The following SCAF4 variants were observed in gnomAD, a reference collection of about 807,000 sequenced individuals.
SCAF4 encodes SR-related CTD associated factor 4, also known as SR-related and CTD-associated factor 4.
In SCAF4, 25 loss-of-function variants were observed where a neutral mutation model predicts 129.8. That is an observed-to-expected ratio of 0.19 (90% CI 0.14 to 0.27). SCAF4 has a LOEUF of 0.27. SCAF4 is among the 10% of genes least tolerant of loss of function. SCAF4 has a pLI of 1.00. For synonymous variants in SCAF4, 551 were observed against 497.7 expected (o/e 1.11, Z -1.43); for missense variants, 1,246 against 1,457.1 (o/e 0.86, Z 2.36).
At chr21:31,719,299 A>T (rs183259870) in intron 1 of SCAF4, among the ~76,000 whole-genome samples, 1 of 150,970 alleles carries the variant, frequency 6.6e-6, no homozygotes, top group Admixed American at 6.6e-5. Context: ...CCAAAAAAAA[A>T]CAAAAAACAA....
At chr21:31,715,140 C>A (rs1233567509) in intron 1 of SCAF4, among the ~76,000 whole-genome samples, 1 of 152,170 alleles carries the variant, frequency 6.6e-6, no homozygotes, top group Non-Finnish European at 1.5e-5. Context: ...CTTGTAAAGG[C>A]TCTAGGGAAG....
intron 19 of SCAF4, among the ~76,000 whole-genome samples, chr21:31,678,032 A>C (rs1481435373): frequency 6.6e-6 from 1 of 151,808 alleles, no homozygotes; most frequent in African/African-American, 2.4e-5. Context: ...TTGTCCTCAG[A>C]CCTCTCACCA....
At chr21:31,723,625 T>C (rs1400388423) in intron 1 of SCAF4, among the ~76,000 whole-genome samples, 7 of 142,070 alleles carry the variant, frequency 4.9e-5, no homozygotes, top group Admixed American at 4.4e-4. Context: ...TGTGTGTGTG[T>C]GTGTGCGCGC....
rs149687210 is a variant in SCAF4 at position 31,672,281 on chromosome 21, G to A, written c.2562C>T (p.Pro854=). Residue 854 remains proline (P), a synonymous_variant, in exon 20 of 20, where the codon CCC becomes CCT. Coordinates refer to ENST00000286835, the MANE Select transcript of SCAF4 (RefSeq NM_020706.2). ...APSTGLLGAR[P]GLIPLQRPPG... is the part of the protein sequence containing the mutation. ...GAGGGCGCTGGAGTGGGATGAGACCGGGCCGGGCGCCAAGAAGACCAGTAG... is the reference window on the plus strand; with the variant it reads ...GAGGGCGCTGGAGTGGGATGAGACCAGGCCGGGCGCCAAGAAGACCAGTAG... The A allele has an allele frequency of 3.4e-5, 55 of 1,613,850 alleles. No individual in the cohort carries two copies. Among genetic ancestry groups the A allele is most frequent in the Middle Eastern group, 1.7e-4 (1 of 6,000 alleles).
rs1014243023 is a variant in SCAF4 at position 31,671,900 on chromosome 21, C to T, written c.2943G>A (p.Gln981=). The change falls in exon 20 of 20, where the codon CAG becomes CAA. Residue 981 remains glutamine, a synonymous_variant. Transcript: ENST00000286835. ...GCTGCCTGTTATCATTTCTAAACTG[C>T]TGTGGCTGCTGCTGTGTTGGTGGAG... ...QQPPPTQQQP[Q]QFRNDNRQQF... is the part of the protein sequence containing the mutation. 1 of 1,613,578 alleles carries T rather than the reference C, an allele frequency of 6.2e-7. No individual in the cohort carries two copies.
chr21:31,709,796 T>C (rs1326346437), intron 1 of SCAF4, among the ~76,000 whole-genome samples: 1 of 152,010 alleles, frequency 6.6e-6, no homozygotes. Context: ...TATGTTGTAT[T>C]TTTTACTTAA....
chr21:31,723,609 G>GTTTTGTGTGTGTGTGTGTGTGTGTGTGT (rs112184778), intron 1 of SCAF4, among the ~76,000 whole-genome samples: 10 of 146,126 alleles, frequency 6.8e-5, no homozygotes, highest in African/African-American at 2.5e-4. Flanking sequence ...TGATTTATAT[G>GTTTTGTGTGTGTGTGTGTGTGTGTGTGT]ATGTGTGTGT....
Position 31,671,327 on chromosome 21 carries a change from A to T in SCAF4, c.*72T>A. 1 of 1,531,978 alleles carries T rather than the reference A, an allele frequency of 6.5e-7. No individual in the cohort carries two copies. The highest frequency in any genetic ancestry group is 8.8e-7 in the Non-Finnish European group (1 of 1,137,650). 94.9% of individuals were successfully genotyped at this position (1,531,978 alleles called of 1,614,324 possible). On this transcript the variant is annotated 3_prime_UTR_variant, in exon 20 of 20. Transcript: ENST00000286835. ...CTGCAGTACAGCGGGAGCGGATATA[A>T]TACAGCATCTGTACACCTCAAGCTC... is the stretch of plus-strand genomic sequence containing the variant.
intron 1 of SCAF4, among the ~76,000 whole-genome samples, chr21:31,713,892 C>A (rs1215332458): frequency 6.6e-6 from 1 of 151,952 alleles, no homozygotes; most frequent in African/African-American, 2.4e-5. Flanking sequence ...GACCAACATC[C>A]AATTTCAGTC....
intron 8 of SCAF4, 116 bp downstream of exon 8, chr21:31,696,453 C>T: frequency 8.8e-7 from 1 of 1,136,280 alleles, no homozygotes; most frequent in Non-Finnish European, 1.2e-6. Context: ...ACTAATACCA[C>T]AAATTTTACA....
chr21:31,695,495 A>C lies in SCAF4; in HGVS notation c.1069-515T>G, dbSNP rs149474070. Among the ~76,000 whole-genome samples the C allele has an allele frequency of 4.3e-4, 66 of 152,370 alleles. No individual in the cohort carries two copies. The East Asian group carries it at 0.01, about 24-fold the overall frequency. On this transcript the variant is annotated intron_variant, in intron 9 of 19. Coordinates refer to ENST00000286835, the MANE Select transcript of SCAF4 (RefSeq NM_020706.2). ...AAACTACAATCTAACATATTTCTGC[A>C]TGTCAGTTTAAACACAAATAAAACT...
intron 19 of SCAF4, among the ~76,000 whole-genome samples, chr21:31,676,371 C>G (rs547894364): frequency 6.6e-6 from 1 of 152,308 alleles, no homozygotes; most frequent in East Asian, 1.9e-4. Flanking sequence ...TCCCACCAGG[C>G]TCATGCCTCA....
rs1487921952 is a variant in SCAF4, at chr21:31,705,565, A to G, written c.115-98T>C. On this transcript the variant is annotated intron_variant, in intron 2 of 19. Transcript: ENST00000286835. ...AAACTCTGAAATCTATACAATCTAA[A>G]TATTATCAATACTGAATGAACCATG... is the stretch of plus-strand genomic sequence containing the variant. 3.7e-5 allele frequency: 17 copies of G among 456,726 alleles called. No individual in the cohort carries two copies. The East Asian group carries it at 5.9e-4, about 16-fold the overall frequency. 28.3% of individuals were successfully genotyped at this position (456,726 alleles called of 1,614,324 possible).
rs376616495 is a variant in SCAF4, at chr21:31,712,103, T to C, written c.31-5746A>G. Among the ~76,000 whole-genome samples, 6 of 152,298 alleles carry C rather than the reference T, an allele frequency of 3.9e-5. No homozygotes were observed. The East Asian group carries it at 7.7e-4, about 20-fold the overall frequency. The stretch of plus-strand genomic sequence containing the variant: ...GAGGGAAAGCTTTAAATAGCCAGCA[T>C]GTTATACATTCAGAAATTCTTATTT... On this transcript the variant is annotated intron_variant, in intron 1 of 19. Transcript: ENST00000286835.
chr21:31,717,902 T>TACACACACAC (rs1364665234), intron 1 of SCAF4, among the ~76,000 whole-genome samples: 31 of 95,600 alleles, frequency 3.2e-4, no homozygotes, highest in African/African-American at 1.1e-3. Context: ...TATACACATA[T>TACACACACAC]ATACACACAC....
chr21:31,680,786 T>C (rs183620089), intron 19 of SCAF4, among the ~76,000 whole-genome samples: 1 of 152,318 alleles, frequency 6.6e-6, no homozygotes, highest in East Asian at 1.9e-4. Flanking sequence ...AATGAGCTAC[T>C]AAAAAATCTA....
intron 15 of SCAF4, 66 bp from the exon 16 acceptor site, chr21:31,688,530 T>C: frequency 7.6e-7 from 1 of 1,323,424 alleles, no homozygotes; most frequent in Non-Finnish European, 1.1e-6. Flanking sequence ...AATCTAGAAA[T>C]GAAAAATGTT....
chr21:31,696,810 C>CT, intron 7 of SCAF4, 60 bp from the exon 8 acceptor site: 1 of 1,431,046 alleles, frequency 7.0e-7, no homozygotes, highest in Non-Finnish European at 9.6e-7. Flanking sequence ...GCACAAAAAA[C>CT]TTTATGAAAA....
chr21:31,716,121 C>T (rs2050915448), intron 1 of SCAF4, among the ~76,000 whole-genome samples: 1 of 152,136 alleles, frequency 6.6e-6, no homozygotes, highest in African/African-American at 2.4e-5. Context: ...TCTAAGCCAT[C>T]TTTTTAAAAC....
Sources: allele counts gnomAD v4.1 joint callset (sites outside exome capture counted in the v4.1 genomes callset), GRCh38; gene constraint gnomAD v4.1.1; transcripts MANE v1.5; gene names NCBI Gene and HGNC (gene_info 2026-07-23, HGNC 2026-07-21).